The following PCDH9 variants were observed in gnomAD, a reference collection of about 807,000 sequenced individuals.
PCDH9 encodes the protein protocadherin 9.
A neutral mutation model predicts 70.6 loss-of-function variants in PCDH9; 24 were observed. The observed-to-expected ratio is 0.34, with a 90% CI of 0.25 to 0.48. The LOEUF is 0.48. PCDH9 is among the 20% of genes least tolerant of loss of function. The probability of loss-of-function intolerance (pLI) is 0.99; values close to 1 mark genes in which losing one functional copy is unlikely to be tolerated. For missense variants in PCDH9, 1,281 were observed against 1,503.6 expected (o/e 0.85, Z 2.45); for synonymous variants, 562 against 558.5 (o/e 1.01, Z -0.09).
At chr13:67,005,115 G>A (rs1475278490) in intron 2 of PCDH9, among the ~76,000 whole-genome samples, 1 of 150,612 alleles carries the variant, frequency 6.6e-6, no homozygotes, top group African/African-American at 2.4e-5. Flanking sequence ...AAAACTATCA[G>A]TAGAGGAGAG....
At chr13:66,653,316 A>C (rs1453774895) in intron 3 of PCDH9, among the ~76,000 whole-genome samples, 3 of 152,220 alleles carry the variant, frequency 2.0e-5, no homozygotes, top group Non-Finnish European at 4.4e-5. Context: ...CAACAGGAAA[A>C]AAACCCTATT....
chr13:66,633,031 T>C (rs2077592154), intron 3 of PCDH9, among the ~76,000 whole-genome samples: 1 of 152,102 alleles, frequency 6.6e-6, no homozygotes, highest in Non-Finnish European at 1.5e-5. Context: ...TATGAATGCA[T>C]ACTTATAGAC....
intron 4 of PCDH9, among the ~76,000 whole-genome samples, chr13:66,613,204 C>T (rs575591292): frequency 6.6e-6 from 1 of 152,250 alleles, no homozygotes; most frequent in African/African-American, 2.4e-5. Flanking sequence ...GCAGCAGAGC[C>T]GGCTGTTTGG....
At chr13:66,474,663 G>C (rs1309098924) in intron 4 of PCDH9, among the ~76,000 whole-genome samples, 1 of 151,954 alleles carries the variant, frequency 6.6e-6, no homozygotes, top group Non-Finnish European at 1.5e-5. Context: ...AGTTTAATAG[G>C]CATAAATTTT....
chr13:66,789,931 G>C (rs952171875), intron 3 of PCDH9, among the ~76,000 whole-genome samples: 5 of 152,084 alleles, frequency 3.3e-5, no homozygotes, highest in Non-Finnish European at 5.9e-5. Context: ...TTTGAGTAAG[G>C]CTGGAGTCTA....
chr13:66,541,549 T>G (rs1474339208), intron 4 of PCDH9, among the ~76,000 whole-genome samples: 2 of 152,222 alleles, frequency 1.3e-5, no homozygotes, highest in East Asian at 3.8e-4. Context: ...CAGCCTAATT[T>G]CAATCTGTGC....
At chr13:67,210,015 T>G (rs2089436659) in intron 2 of PCDH9, 1 of 152,086 alleles carries the variant, frequency 6.6e-6, no homozygotes, top group African/African-American at 2.4e-5. Context: ...TTACCACTGT[T>G]TGATATTTTT....
chr13:66,725,929 T>C (rs1402528278), intron 3 of PCDH9, among the ~76,000 whole-genome samples: 1 of 152,182 alleles, frequency 6.6e-6, no homozygotes, highest in Non-Finnish European at 1.5e-5. Flanking sequence ...TAGCCTAATA[T>C]TAGGTTGGTG....
At chr13:66,642,127 A>T (rs892597768) in intron 3 of PCDH9, among the ~76,000 whole-genome samples, 1 of 152,146 alleles carries the variant, frequency 6.6e-6, no homozygotes, top group Admixed American at 6.5e-5. Context: ...AACAAAACTG[A>T]TGCACAAATA....
chr13:66,312,412 A>AAAAGCACGGAC (rs1390185593), intron 4 of PCDH9, among the ~76,000 whole-genome samples: 1 of 152,108 alleles, frequency 6.6e-6, no homozygotes, highest in Non-Finnish European at 1.5e-5. Flanking sequence ...GCACTTGGAG[A>AAAAGCACGGAC]AAAGCACGGA....
chr13:66,717,467 AAAAAAAAAAAAAAATATATATATAT>A (rs1183956411), intron 3 of PCDH9, among the ~76,000 whole-genome samples: 2 of 36,626 alleles, frequency 5.5e-5, no homozygotes, highest in Non-Finnish European at 1.2e-4. Context: ...AAAAAAAAAA[AAAAAAAAAAAAAAATATATATATAT>A]ATATATATAT....
intron 4 of PCDH9, among the ~76,000 whole-genome samples, chr13:66,630,294 T>A (rs1466502372): frequency 6.6e-6 from 1 of 152,138 alleles, no homozygotes; most frequent in African/African-American, 2.4e-5. Flanking sequence ...CTCCCACACA[T>A]GCATAGCTTT....
Position 66,458,071 on chromosome 13 carries a change from T to C in PCDH9, c.3341-153043A>G, listed in dbSNP as rs759571308. ...GTACAGTACCTAACAAACCGTTACA[T>C]GCAGAGAGACAAATCATGCTTTTTT... On this transcript the variant is annotated intron_variant, in intron 4 of 4. Transcript: ENST00000377865. 3.7e-4 allele frequency among the ~76,000 whole-genome samples: 57 copies of C among 152,018 alleles called. 1 individual carries two copies. The highest frequency in any genetic ancestry group is 7.4e-5 in the Non-Finnish European group (5 of 67,980).
At position 66,648,153 on chromosome 13, in the gene PCDH9, C is replaced by T. The variant is rs540555003; in HGVS notation, c.3139-16742G>A. ...ACTCAATGCTCTGAAGAGAAGGACA[C>T]AACCTAGTTGGCTTTGCCACCTGCT... On this transcript the variant is annotated intron_variant, in intron 3 of 4. Transcript: ENST00000377865. Among the ~76,000 whole-genome samples the T allele has an allele frequency of 1.2e-3, 180 of 152,308 alleles. 1 individual carries two copies. The highest frequency in any genetic ancestry group is 3.7e-3 in the African/African-American group (153 of 41,576).
chr13:66,970,621 T>C (rs532180940), intron 2 of PCDH9, among the ~76,000 whole-genome samples: 106 of 123,692 alleles, frequency 8.6e-4, no homozygotes, highest in Non-Finnish European at 1.5e-3. Flanking sequence ...AATGAGACCC[T>C]GTCTGAAAAA....
At chr13:66,888,303 T>G (rs1826219225) in intron 3 of PCDH9, among the ~76,000 whole-genome samples, 1 of 151,916 alleles carries the variant, frequency 6.6e-6, no homozygotes, top group Non-Finnish European at 1.5e-5. Context: ...AAGACCAGCC[T>G]GGGAAACATA....
At chr13:66,425,886 C>G (rs984775632) in intron 4 of PCDH9, among the ~76,000 whole-genome samples, 1 of 151,568 alleles carries the variant, frequency 6.6e-6, no homozygotes, top group African/African-American at 2.4e-5. Flanking sequence ...TGCTGAAGAG[C>G]CAAGGGTGAC....
chr13:66,497,129 G>A (rs1455930926), intron 4 of PCDH9, among the ~76,000 whole-genome samples: 3 of 151,644 alleles, frequency 2.0e-5, no homozygotes, highest in Admixed American at 6.6e-5. Context: ...GTGTAATGGC[G>A]GGATCTTGGC....
chr13:66,512,390 A>T (rs1026285088), intron 4 of PCDH9, among the ~76,000 whole-genome samples: 3 of 151,598 alleles, frequency 2.0e-5, no homozygotes, highest in African/African-American at 7.3e-5. Flanking sequence ...ATTTTATAAA[A>T]TATGTTTTTC....
Sources: allele counts gnomAD v4.1 joint callset (sites outside exome capture counted in the v4.1 genomes callset), GRCh38; gene constraint gnomAD v4.1.1; transcripts MANE v1.5; gene names NCBI Gene and HGNC (gene_info 2026-07-23, HGNC 2026-07-21).